SYNDIG1: variants seen among roughly 807,000 people sequenced by gnomAD.
The protein encoded by SYNDIG1 is synapse differentiation-inducing gene protein 1.
Under a neutral mutation model 19.4 loss-of-function variants are expected in SYNDIG1, and 9 were observed. The observed-to-expected ratio is 0.46, with a 90% CI of 0.28 to 0.81. SYNDIG1 has a LOEUF of 0.81. Among genes scored for constraint, SYNDIG1 ranks in the 30% least tolerant of loss-of-function variants. SYNDIG1 has a pLI of 0.12. For synonymous variants in SYNDIG1, 141 were observed against 145.9 expected, an observed-to-expected ratio of 0.97 and a Z score of 0.24; for missense variants, 311 against 343.3, an observed-to-expected ratio of 0.91 and a Z score of 0.74.
chr20:24,623,844 A>G (rs1187399607), intron 3 of SYNDIG1, among the ~76,000 whole-genome samples: 1 of 152,242 alleles, frequency 6.6e-6, no homozygotes, highest in African/African-American at 2.4e-5. Context: ...ATTCTGAAAA[A>G]GAGGGGGAAA....
At chr20:24,659,985 T>C (rs1270652932) in intron 3 of SYNDIG1, among the ~76,000 whole-genome samples, 1 of 152,236 alleles carries the variant, frequency 6.6e-6, no homozygotes, top group Non-Finnish European at 1.5e-5. Flanking sequence ...TCCATGAACC[T>C]GTTTCCATGC....
intron 1 of SYNDIG1, among the ~76,000 whole-genome samples, chr20:24,500,947 A>G (rs1390445402): frequency 2.6e-5 from 4 of 152,226 alleles, no homozygotes; most frequent in Non-Finnish European, 5.9e-5. Flanking sequence ...ACTAGTGAAG[A>G]AATATTGAAA....
intron 3 of SYNDIG1, among the ~76,000 whole-genome samples, chr20:24,619,681 A>G (rs2059008377): frequency 6.6e-6 from 1 of 152,354 alleles, no homozygotes; most frequent in East Asian, 1.9e-4. Flanking sequence ...GCCACTATAT[A>G]ATAGCATAGC....
At chr20:24,532,970 G>A (rs1248508979) in intron 1 of SYNDIG1, among the ~76,000 whole-genome samples, 3 of 152,138 alleles carry the variant, frequency 2.0e-5, no homozygotes, top group South Asian at 2.1e-4. Context: ...AAAGGGGTTG[G>A]GGGGTCTGAG....
chr20:24,542,389 G>T (rs183295594), intron 1 of SYNDIG1, among the ~76,000 whole-genome samples: 10 of 152,300 alleles, frequency 6.6e-5, no homozygotes, highest in African/African-American at 2.4e-4. Flanking sequence ...TTTAGTAGGT[G>T]CAGGTGCTAC....
chr20:24,597,929 T>A (rs554611844), intron 3 of SYNDIG1, among the ~76,000 whole-genome samples: 12 of 152,318 alleles, frequency 7.9e-5, no homozygotes, highest in African/African-American at 2.9e-4. Context: ...TAGAGGTGCA[T>A]TCTGGTCCAT....
At chr20:24,519,282 TAAAG>T (rs1381932695) in intron 1 of SYNDIG1, among the ~76,000 whole-genome samples, 3 of 152,238 alleles carry the variant, frequency 2.0e-5, no homozygotes, top group Non-Finnish European at 4.4e-5. Context: ...CCTTTTGTAA[TAAAG>T]AAACTGTGCT....
At chr20:24,529,311 T>C (rs1600530919) in intron 1 of SYNDIG1, among the ~76,000 whole-genome samples, 1 of 152,240 alleles carries the variant, frequency 6.6e-6, no homozygotes, top group Admixed American at 6.5e-5. Flanking sequence ...TTAGTAGTAG[T>C]AGTGGTGGTG....
At chr20:24,490,596 G>A (rs987041116) in intron 1 of SYNDIG1, among the ~76,000 whole-genome samples, 1 of 152,174 alleles carries the variant, frequency 6.6e-6, no homozygotes, top group Non-Finnish European at 1.5e-5. Flanking sequence ...AAGCGAGCAC[G>A]CCAGTTACCC....
chr20:24,538,459 A>G (rs115587047), intron 1 of SYNDIG1, among the ~76,000 whole-genome samples: 1 of 151,904 alleles, frequency 6.6e-6, no homozygotes, highest in Admixed American at 6.6e-5. Context: ...AGACTGAGCA[A>G]TACTCCATTG....
intron 3 of SYNDIG1, among the ~76,000 whole-genome samples, chr20:24,589,163 C>G (rs745787010): frequency 2.6e-5 from 4 of 152,142 alleles, no homozygotes; most frequent in Non-Finnish European, 5.9e-5. Flanking sequence ...ACATGAATCC[C>G]ATAATTGGCT....
chr20:24,660,716 C>A (rs1158076472), intron 3 of SYNDIG1, among the ~76,000 whole-genome samples: 1 of 152,260 alleles, frequency 6.6e-6, no homozygotes, highest in African/African-American at 2.4e-5. Flanking sequence ...ACCTTCGCAT[C>A]CCCAGCTTCA....
chr20:24,474,858 C>T (rs1232252905), intron 1 of SYNDIG1, among the ~76,000 whole-genome samples: 11 of 152,228 alleles, frequency 7.2e-5, no homozygotes. Flanking sequence ...CCTTACCTTT[C>T]CTCTATTTCA....
intron 3 of SYNDIG1, among the ~76,000 whole-genome samples, chr20:24,622,400 AG>A (rs1189071834): frequency 1.3e-5 from 2 of 152,226 alleles, no homozygotes; most frequent in Non-Finnish European, 2.9e-5. Flanking sequence ...AGTGTAACAC[AG>A]GGGTCTCCAA....
rs201497794 is a variant in SYNDIG1, at chr20:24,633,966, G to A, written c.619-31380G>A. ...CCAAACTCTGCCTGGGGTTCCCTTC[G>A]TTATCAGCAGAGCACATAGACACAT... is the stretch of plus-strand genomic sequence containing the variant. On this transcript the variant is annotated intron_variant, in intron 3 of 3. Coordinates refer to ENST00000376862, the MANE Select transcript of SYNDIG1 (RefSeq NM_024893.3). Among the ~76,000 whole-genome samples the A allele has an allele frequency of 9.2e-5, 14 of 152,282 alleles. No individual in the cohort carries two copies. In the East Asian group the frequency reaches 1.4e-3, roughly 15 times the overall value.
chr20:24,545,579 A>G (rs1462178926), intron 2 of SYNDIG1, among the ~76,000 whole-genome samples: 1 of 152,156 alleles, frequency 6.6e-6, no homozygotes, highest in Non-Finnish European at 1.5e-5. Flanking sequence ...GTCATCACAC[A>G]GGCAGGAGCC....
intron 3 of SYNDIG1, among the ~76,000 whole-genome samples, chr20:24,606,184 A>C (rs1482822194): frequency 1.3e-5 from 2 of 152,226 alleles, no homozygotes. Context: ...GCATCATTGC[A>C]AGTGTCTCCA....
chr20:24,487,545 C>T (rs1190005507), intron 1 of SYNDIG1, among the ~76,000 whole-genome samples: 12 of 152,150 alleles, frequency 7.9e-5, no homozygotes, highest in African/African-American at 2.9e-4. Flanking sequence ...GCAAAGGGTC[C>T]AGCGCACTTT....
intron 3 of SYNDIG1, among the ~76,000 whole-genome samples, chr20:24,595,401 GT>G (rs1199487564): frequency 1.3e-5 from 2 of 151,992 alleles, no homozygotes; most frequent in African/African-American, 4.8e-5. Context: ...TGTGCTTGTG[GT>G]TTTTGCTGAG....
Sources: gnomAD v4.1 joint callset for allele counts (sites outside exome capture counted in the v4.1 genomes callset) on GRCh38, gnomAD v4.1.1 for gene constraint, MANE v1.5 for transcripts, NCBI Gene and HGNC (gene_info 2026-07-23, HGNC 2026-07-21) for gene names.